The following DCDC1 variants were observed in gnomAD, a reference collection of about 807,000 sequenced individuals.
The protein encoded by DCDC1 is doublecortin domain containing 1, also known as doublecortin domain-containing protein 1.
A neutral mutation model predicts 178.3 loss-of-function variants in DCDC1; 200 were observed. The observed-to-expected ratio is 1.12, with a 90% CI of 1.00 to 1.26. DCDC1 has a LOEUF of 1.26. DCDC1 is among the 50% of genes most tolerant of loss of function. The pLI, the probability that DCDC1 is intolerant of heterozygous loss-of-function variation, is 0.00. For missense variants in DCDC1, 1,983 were observed against 1,749.2 expected (o/e 1.13, Z -2.38); for synonymous variants, 690 against 604.8 (o/e 1.14, Z -2.07).
rs1591707078 is a variant in DCDC1, at chr11:31,305,562, C to T, written c.754+53G>A. 6.3e-6 allele frequency: 10 copies of T among 1,585,334 alleles called. No individual in the cohort carries two copies. In the East Asian group the frequency reaches 2.2e-4, roughly 36 times the overall value. On this transcript the variant is annotated intron_variant, in intron 6 of 38. Transcript: ENST00000684477. The stretch of plus-strand genomic sequence containing the variant: ...ATGAAAATCATTTTTTAATTGCACC[C>T]CTTAAGCAATTCAGTATGTGTGGGG...
At chr11:31,190,140 CACAT>C (rs1460860539) in intron 9 of DCDC1, among the ~76,000 whole-genome samples, 1 of 152,150 alleles carries the variant, frequency 6.6e-6, no homozygotes, top group Non-Finnish European at 1.5e-5. Flanking sequence ...ATGAAGATAG[CACAT>C]ACTTTACCTC....
chr11:31,230,276 TA>T (rs942760070), intron 9 of DCDC1, among the ~76,000 whole-genome samples: 6 of 150,436 alleles, frequency 4.0e-5, no homozygotes, highest in African/African-American at 1.5e-4. Flanking sequence ...ATTGTACACT[TA>T]AAAAATGGGT....
intron 21 of DCDC1, among the ~76,000 whole-genome samples, chr11:30,941,679 T>A (rs998930177): frequency 6.6e-6 from 1 of 152,186 alleles, no homozygotes; most frequent in Non-Finnish European, 1.5e-5. Context: ...TACATTATTA[T>A]ATTAACTTAC....
At chr11:31,051,636 A>T (rs184195326) in intron 20 of DCDC1, among the ~76,000 whole-genome samples, 2 of 152,304 alleles carry the variant, frequency 1.3e-5, no homozygotes, top group Non-Finnish European at 2.9e-5. Context: ...CTCAGCAGAA[A>T]CCCTACAAAC....
chr11:31,027,865 A>T (rs1416701768), intron 20 of DCDC1, among the ~76,000 whole-genome samples: 2 of 151,826 alleles, frequency 1.3e-5, no homozygotes, highest in Non-Finnish European at 3.0e-5. Context: ...AAGCATTTGA[A>T]CTCAAATTTT....
chr11:31,013,397 T>C (rs958032277), intron 20 of DCDC1, among the ~76,000 whole-genome samples: 32 of 152,156 alleles, frequency 2.1e-4, no homozygotes, highest in African/African-American at 7.7e-4. Context: ...TTCTTGTCCT[T>C]TTGTCCCAGT....
At chr11:31,154,366 C>T (rs1965508611) in intron 9 of DCDC1, among the ~76,000 whole-genome samples, 1 of 152,308 alleles carries the variant, frequency 6.6e-6, no homozygotes, top group African/African-American at 2.4e-5. Flanking sequence ...TGGTTTCCCT[C>T]CAGGAAGCCT....
At chr11:31,145,705 AG>A (rs1172481634) in intron 9 of DCDC1, among the ~76,000 whole-genome samples, 1 of 152,240 alleles carries the variant, frequency 6.6e-6, no homozygotes, top group African/African-American at 2.4e-5. Flanking sequence ...ATACAGAGAC[AG>A]CCTGGCAGAC....
intron 20 of DCDC1, among the ~76,000 whole-genome samples, chr11:31,005,963 A>C (rs1357226013): frequency 2.0e-5 from 3 of 150,432 alleles, no homozygotes; most frequent in African/African-American, 7.4e-5. Context: ...AAAAAAAAAA[A>C]AAAAAAAAAA....
intron 34 of DCDC1, among the ~76,000 whole-genome samples, chr11:30,898,215 G>A (rs1944382109): frequency 6.6e-6 from 1 of 152,200 alleles, no homozygotes; most frequent in Non-Finnish European, 1.5e-5. Context: ...AACCTTGCAA[G>A]ATTTTGTGCC....
chr11:30,930,480 T>C (rs1946857196), intron 22 of DCDC1, among the ~76,000 whole-genome samples: 3 of 152,140 alleles, frequency 2.0e-5, no homozygotes, highest in African/African-American at 4.8e-5. Context: ...TTGGGAGTAA[T>C]TAATTCATAT....
chr11:31,284,575 A>C (rs1946681474), intron 7 of DCDC1, among the ~76,000 whole-genome samples: 1 of 152,094 alleles, frequency 6.6e-6, no homozygotes, highest in African/African-American at 2.4e-5. Context: ...ACATATAAAA[A>C]CTATAAAATA....
intron 27 of DCDC1, among the ~76,000 whole-genome samples, chr11:30,913,428 CTAT>C (rs1005139562): frequency 9.2e-5 from 14 of 151,880 alleles, no homozygotes; most frequent in Non-Finnish European, 1.8e-4. Context: ...ACAAAAAAAA[CTAT>C]TTTGTTCAAG....
chr11:31,353,550 C>T (rs574841581), intron 1 of DCDC1, among the ~76,000 whole-genome samples: 18 of 152,244 alleles, frequency 1.2e-4, no homozygotes, highest in Admixed American at 7.2e-4. Context: ...CTTCAGTGTT[C>T]GTCAGAGTGC....
chr11:31,046,657 GA>G (rs891683025), intron 20 of DCDC1, among the ~76,000 whole-genome samples: 9 of 149,098 alleles, frequency 6.0e-5, no homozygotes, highest in Non-Finnish European at 1.2e-4. Flanking sequence ...TAGAAAAAGA[GA>G]AAAAAAAATT....
At chr11:31,337,987 G>GT (rs1950355322) in intron 1 of DCDC1, among the ~76,000 whole-genome samples, 1 of 152,128 alleles carries the variant, frequency 6.6e-6, no homozygotes, top group South Asian at 2.1e-4. Context: ...GCCCACATTT[G>GT]TATCAGCAGG....
chr11:30,868,773 T>G (rs1056749284), intron 38 of DCDC1, among the ~76,000 whole-genome samples: 2 of 152,174 alleles, frequency 1.3e-5, no homozygotes, highest in African/African-American at 2.4e-5. Context: ...ATGCTCAAAA[T>G]TATTACTATT....
chr11:31,014,568 G>A (rs1397090794), intron 20 of DCDC1, among the ~76,000 whole-genome samples: 1 of 152,138 alleles, frequency 6.6e-6, no homozygotes, highest in African/African-American at 2.4e-5. Context: ...CTTATTTTAA[G>A]TCACTAAGTT....
intron 1 of DCDC1, among the ~76,000 whole-genome samples, chr11:31,356,475 G>C (rs1951371168): frequency 6.6e-6 from 1 of 151,864 alleles, no homozygotes. Flanking sequence ...ATGCCCACAA[G>C]AGAAAGCAGG....
Sources: gnomAD v4.1 joint callset for allele counts (sites outside exome capture counted in the v4.1 genomes callset) on GRCh38, gnomAD v4.1.1 for gene constraint, MANE v1.5 for transcripts, NCBI Gene and HGNC (gene_info 2026-07-23, HGNC 2026-07-21) for gene names.